MBTD1: variants seen among roughly 807,000 people sequenced by gnomAD.
The protein encoded by MBTD1 is mbt domain containing 1.
In MBTD1, 24 loss-of-function variants were observed where a neutral mutation model predicts 87.8. That is an observed-to-expected ratio of 0.27 (90% CI 0.20 to 0.38). MBTD1 has a LOEUF of 0.38. MBTD1 is among the 10% of genes least tolerant of loss of function. The probability of loss-of-function intolerance (pLI) is 1.00; values close to 1 mark genes in which losing one functional copy is unlikely to be tolerated. For missense variants in MBTD1, 436 were observed against 760.2 expected (o/e 0.57, Z 5.02); for synonymous variants, 237 against 248.6 (o/e 0.95, Z 0.44).
intron 16 of MBTD1, among the ~76,000 whole-genome samples, chr17:51,189,651 G>C (rs957602325): frequency 7.9e-5 from 12 of 152,146 alleles, no homozygotes; most frequent in Non-Finnish European, 1.5e-4. Flanking sequence ...ATGTCATATA[G>C]CCACTGAGTA....
chr17:51,225,203 G>T lies in MBTD1; in HGVS notation c.-42C>A, dbSNP rs374487182. 1.3e-6 allele frequency: 2 copies of T among 1,504,634 alleles called. No homozygotes were observed. Among genetic ancestry groups the T allele is most frequent in the Admixed American group, 2.2e-5 (1 of 45,678 alleles). 93.2% of individuals were successfully genotyped at this position (1,504,634 alleles called of 1,614,324 possible). ...CTTTTCCTTTCAGATCGTGAAGAAT[G>T]TTCAGTCTTTGAAGTAAGAGAAACC... On this transcript the variant is annotated 5_prime_UTR_variant, in exon 3 of 17. Coordinates refer to ENST00000586178, the MANE Select transcript of MBTD1 (RefSeq NM_017643.3).
intron 6 of MBTD1, among the ~76,000 whole-genome samples, chr17:51,214,786 C>G (rs1015281527): frequency 2.6e-5 from 4 of 152,068 alleles, no homozygotes; most frequent in African/African-American, 9.7e-5. Context: ...AAGAGGCCTT[C>G]CTGACTAATG....
At chr17:51,206,143 A>C (rs1453104372) in intron 7 of MBTD1, among the ~76,000 whole-genome samples, 1 of 152,172 alleles carries the variant, frequency 6.6e-6, no homozygotes, top group Non-Finnish European at 1.5e-5. Context: ...GATTCCTAAC[A>C]TGTTTACTTC....
At chr17:51,214,290 T>C (rs895291439) in intron 6 of MBTD1, among the ~76,000 whole-genome samples, 5 of 152,086 alleles carry the variant, frequency 3.3e-5, no homozygotes, top group East Asian at 1.9e-4. Flanking sequence ...TAAATGTCAA[T>C]TGGGGCTTGA....
At chr17:51,221,572 T>C (rs536997754) in intron 3 of MBTD1, among the ~76,000 whole-genome samples, 12 of 152,342 alleles carry the variant, frequency 7.9e-5, no homozygotes, top group Admixed American at 2.6e-4. Context: ...ACTGGTACGG[T>C]TGGCTCTGTG....
chr17:51,236,164 G>C (rs1295695972), intron 2 of MBTD1, among the ~76,000 whole-genome samples: 1 of 151,764 alleles, frequency 6.6e-6, no homozygotes, highest in Non-Finnish European at 1.5e-5. Context: ...TATATCTATA[G>C]ATTCACATCT....
At chr17:51,235,819 T>C (rs1226404976) in intron 2 of MBTD1, among the ~76,000 whole-genome samples, 1 of 152,196 alleles carries the variant, frequency 6.6e-6, no homozygotes, top group South Asian at 2.1e-4. Flanking sequence ...AAAATTCATA[T>C]GGAACTGCAA....
intron 6 of MBTD1, among the ~76,000 whole-genome samples, chr17:51,216,928 TG>T (rs1414146114): frequency 2.0e-5 from 3 of 152,090 alleles, no homozygotes; most frequent in African/African-American, 7.2e-5. Context: ...AGGCTGGGTA[TG>T]GTGGCTCATA....
At chr17:51,227,973 A>G (rs2053326826) in intron 2 of MBTD1, among the ~76,000 whole-genome samples, 2 of 152,050 alleles carry the variant, frequency 1.3e-5, no homozygotes, top group Admixed American at 1.3e-4. Flanking sequence ...AAAAAAAGAA[A>G]ATTTTACCTT....
intron 2 of MBTD1, among the ~76,000 whole-genome samples, chr17:51,249,306 T>G (rs993361551): frequency 1.3e-5 from 2 of 152,130 alleles, no homozygotes; most frequent in Non-Finnish European, 2.9e-5. Context: ...AGATTCACAT[T>G]ATATTATTTA....
In MBTD1 at chr17:51,230,761, T is replaced by A. The variant is rs529292012; in HGVS notation, c.-48-5552A>T. Among the ~76,000 whole-genome samples the A allele has an allele frequency of 5.3e-5, 8 of 152,238 alleles. No homozygotes were observed. The South Asian group carries it at 1.2e-3, about 24-fold the overall frequency. ...GAGGTCAGAGGATGTAGGGGCCAGA[T>A]TATGAGGGCCCTTGTAGGCCAGGGT... On this transcript the variant is annotated intron_variant, in intron 2 of 16. Coordinates refer to ENST00000586178, the MANE Select transcript of MBTD1 (RefSeq NM_017643.3).
At chr17:51,258,943 T>A (rs933741715) in intron 2 of MBTD1, among the ~76,000 whole-genome samples, 200 bp downstream of exon 2, 4 of 152,082 alleles carry the variant, frequency 2.6e-5, no homozygotes, top group Non-Finnish European at 5.9e-5. Context: ...TATAGGCCAA[T>A]GAGCAGTGGG....
At chr17:51,260,495 G>A (rs982379119), upstream of MBTD1, 135 of 1,408,480 alleles carry the variant, frequency 9.6e-5, 3 homozygotes, top group South Asian at 1.4e-3. Flanking sequence ...TCCGGCCCCC[G>A]GGGCTTCGGC....
At chr17:51,190,438 G>C (rs1168640505) in intron 16 of MBTD1, among the ~76,000 whole-genome samples, 2 of 151,838 alleles carry the variant, frequency 1.3e-5, no homozygotes, top group East Asian at 3.9e-4. Flanking sequence ...ATAAAAATTG[G>C]CCAGACTCAG....
intron 7 of MBTD1, among the ~76,000 whole-genome samples, chr17:51,205,837 A>G (rs750519645): frequency 8.5e-5 from 13 of 152,224 alleles, no homozygotes; most frequent in Non-Finnish European, 1.6e-4. Context: ...AGGTAAATTA[A>G]GTCAATTAGC....
intron 2 of MBTD1, among the ~76,000 whole-genome samples, chr17:51,248,216 A>G (rs2054563071): frequency 6.6e-6 from 1 of 152,116 alleles, no homozygotes; most frequent in African/African-American, 2.4e-5. Flanking sequence ...TCTTCTGTTA[A>G]CTCATTAACT....
At chr17:51,215,248 G>A (rs9910220) in intron 6 of MBTD1, among the ~76,000 whole-genome samples, 77,968 of 151,920 alleles carry the variant, frequency 0.51, 20,315 homozygotes, top group South Asian at 0.66. Context: ...TTGATTCCCT[G>A]ATAGAACATT....
At chr17:51,219,171 G>C (rs1185372488) in intron 4 of MBTD1, 127 bp from the exon 5 acceptor site, 1 of 574,758 alleles carries the variant, frequency 1.7e-6, no homozygotes, top group African/African-American at 1.9e-5. Flanking sequence ...TTAAAGCAGA[G>C]GAAACATACA....
chr17:51,257,152 A>T (rs112831469), intron 2 of MBTD1, among the ~76,000 whole-genome samples: 136 of 152,366 alleles, frequency 8.9e-4, no homozygotes, highest in African/African-American at 3.0e-3. Flanking sequence ...CTGTGGTGTT[A>T]GGAGAAATAT....
Sources: gnomAD v4.1 joint callset for allele counts (sites outside exome capture counted in the v4.1 genomes callset) on GRCh38, gnomAD v4.1.1 for gene constraint, MANE v1.5 for transcripts, NCBI Gene and HGNC (gene_info 2026-07-23, HGNC 2026-07-21) for gene names.